ALK: variants seen among roughly 807,000 people sequenced by gnomAD.
ALK encodes ALK tyrosine kinase receptor.
In ALK, 74 loss-of-function variants were observed where a neutral mutation model predicts 163.1. The observed-to-expected ratio is 0.45, with a 90% confidence interval of 0.38 to 0.55. ALK has a LOEUF of 0.55. Ranked by LOEUF, ALK falls within the 20% of genes least tolerant of loss-of-function variation. The pLI, the probability that ALK is intolerant of heterozygous loss-of-function variation, is 0.00. For synonymous variants in ALK, 960 were observed against 843.2 expected (o/e 1.14, Z -2.40); for missense variants, 2,063 against 2,105.3 (o/e 0.98, Z 0.39).
intron 4 of ALK, among the ~76,000 whole-genome samples, chr2:29,509,125 GA>G (rs1302155912): frequency 6.6e-6 from 1 of 152,126 alleles, no homozygotes; most frequent in African/African-American, 2.4e-5. Flanking sequence ...TTCTGTCATG[GA>G]AACTTCTAGA....
At chr2:29,641,530 A>T (rs1676702709) in intron 3 of ALK, among the ~76,000 whole-genome samples, 1 of 152,128 alleles carries the variant, frequency 6.6e-6, no homozygotes. Context: ...TCATGCTTTT[A>T]TTGTTCAATT....
At chr2:29,452,537 G>A (rs1670849413) in intron 4 of ALK, among the ~76,000 whole-genome samples, 1 of 152,010 alleles carries the variant, frequency 6.6e-6, no homozygotes, top group Non-Finnish European at 1.5e-5. Context: ...TAAGCTTCTT[G>A]AGTAAGGAAG....
At chr2:29,759,052 G>A (rs536067245) in intron 1 of ALK, among the ~76,000 whole-genome samples, 8 of 152,122 alleles carry the variant, frequency 5.3e-5, no homozygotes, top group Admixed American at 2.6e-4. Context: ...TTTATTAAAC[G>A]CAGTTCTTCC....
chr2:29,835,758 C>T (rs770018312), intron 1 of ALK, among the ~76,000 whole-genome samples: 50 of 152,192 alleles, frequency 3.3e-4, no homozygotes, highest in Admixed American at 7.2e-4. Context: ...CTCACAAGAT[C>T]TGATGGTTTT....
chr2:29,391,877 G>A (rs1328891252), intron 4 of ALK, among the ~76,000 whole-genome samples: 4 of 152,146 alleles, frequency 2.6e-5, no homozygotes, highest in African/African-American at 9.7e-5. Flanking sequence ...GTGACCTTAG[G>A]CCAGCTACCT....
Position 29,920,961 on chromosome 2 carries a change from T to G in ALK, c.-302A>C. On this transcript the variant is annotated 5_prime_UTR_variant, in exon 1 of 29. Coordinates refer to ENST00000389048, the MANE Select transcript of ALK (RefSeq NM_004304.5). ...GCGCCGAGTGCCGCGCCCCCGTCTG[T>G]AGCTCGCTGCGCTCGGTACAGAGGA... 6.2e-6 allele frequency: 3 copies of G among 480,014 alleles called. No homozygotes were observed. Among genetic ancestry groups the G allele is most frequent in the Non-Finnish European group, 7.5e-6 (2 of 266,368 alleles). 29.7% of individuals were successfully genotyped at this position (480,014 alleles called of 1,614,324 possible). A position where few individuals can be genotyped will look rare whatever the true frequency, so the allele number is the denominator to read the frequency against.
intron 4 of ALK, among the ~76,000 whole-genome samples, chr2:29,470,863 A>T (rs1245969424): frequency 1.3e-5 from 2 of 152,202 alleles, no homozygotes; most frequent in Non-Finnish European, 2.9e-5. Context: ...ATATAATAAT[A>T]GTGTCTTCAG....
chr2:29,836,980 C>T (rs11127237), intron 1 of ALK, among the ~76,000 whole-genome samples: 70,923 of 152,042 alleles, frequency 0.47, 17,045 homozygotes, highest in East Asian at 0.71. Flanking sequence ...TAAATAACTG[C>T]TTTCAAACAC....
intron 9 of ALK, among the ~76,000 whole-genome samples, chr2:29,294,326 A>G (rs139887805): frequency 1.3e-5 from 2 of 152,354 alleles, no homozygotes; most frequent in East Asian, 3.9e-4. Context: ...TCAACAGAGC[A>G]TTGTGAAAAC....
Position 29,227,507 on chromosome 2 carries a change from T to G in ALK, c.2914+67A>C. ...TATCCTGGATACAGGTCAGAGACTCTGAGGTTTTAGCTTGGTGGGAGGACT... is the reference window on the plus strand; with the variant it reads ...TATCCTGGATACAGGTCAGAGACTCGGAGGTTTTAGCTTGGTGGGAGGACT... On this transcript the variant is annotated intron_variant, in intron 17 of 28. Coordinates refer to ENST00000389048, the MANE Select transcript of ALK (RefSeq NM_004304.5). The surrounding 1 kb of genome is among the most constrained non-coding windows in gnomAD (Gnocchi z 4.4). The G allele has an allele frequency of 1.6e-5, 21 of 1,338,948 alleles. No homozygotes were observed. Among genetic ancestry groups the G allele is most frequent in the Non-Finnish European group, 1.9e-5 (18 of 928,886 alleles). 82.9% of individuals were successfully genotyped at this position (1,338,948 alleles called of 1,614,324 possible).
chr2:29,526,215 G>C (rs890299444), intron 4 of ALK, among the ~76,000 whole-genome samples: 2 of 152,122 alleles, frequency 1.3e-5, no homozygotes, highest in Non-Finnish European at 2.9e-5. Context: ...TTAAACCCAC[G>C]ACAACCCCGT....
chr2:29,707,760 G>T (rs766773947), intron 2 of ALK, among the ~76,000 whole-genome samples: 7 of 152,190 alleles, frequency 4.6e-5, no homozygotes, highest in African/African-American at 1.7e-4. Context: ...AAGAGGCTTA[G>T]AGCAAATGGA....
chr2:29,196,901 A>G lies in ALK; in HGVS notation c.4074-41T>C, dbSNP rs763031240. Reference sequence around the variant, plus strand: ...CATTAATTAAAATAAGGAGAAGCACAATGATGAAAAATATATTTTCTTCCA... The same window carrying G: ...CATTAATTAAAATAAGGAGAAGCACGATGATGAAAAATATATTTTCTTCCA... On this transcript the variant is annotated intron_variant, in intron 27 of 28. Transcript: ENST00000389048. 4.0e-6 allele frequency: 6 copies of G among 1,496,190 alleles called. No homozygotes were observed. The Middle Eastern group carries it at 5.1e-4, about 128-fold the overall frequency. The allele number at this position is 1,496,190 out of a possible 1,614,324, so 92.7% of individuals were successfully genotyped here.
intron 12 of ALK, among the ~76,000 whole-genome samples, chr2:29,247,915 A>G (rs1664726229): frequency 6.6e-6 from 1 of 152,060 alleles, no homozygotes; most frequent in African/African-American, 2.4e-5. Flanking sequence ...TCAACAGATG[A>G]ACTGCACTTA....
chr2:29,516,872 G>A (rs1672681391), intron 4 of ALK, among the ~76,000 whole-genome samples: 1 of 152,244 alleles, frequency 6.6e-6, no homozygotes, highest in Non-Finnish European at 1.5e-5. Flanking sequence ...TGTTAGCAGT[G>A]AGTATGTCTT....
At chr2:29,650,586 T>G (rs1677010499) in intron 3 of ALK, among the ~76,000 whole-genome samples, 1 of 152,124 alleles carries the variant, frequency 6.6e-6, no homozygotes, top group African/African-American at 2.4e-5. Flanking sequence ...TAACCTAATC[T>G]TATTTGGCAT....
intron 25 of ALK, among the ~76,000 whole-genome samples, chr2:29,208,502 G>A (rs548015037): frequency 6.6e-6 from 1 of 152,322 alleles, no homozygotes; most frequent in East Asian, 1.9e-4. Flanking sequence ...CGCTGAGCTT[G>A]TGGGTAGTGT....
chr2:29,831,020 G>A (rs1406727172), intron 1 of ALK, among the ~76,000 whole-genome samples: 23 of 36,878 alleles, frequency 6.2e-4, no homozygotes, highest in African/African-American at 1.9e-3. Context: ...AAGGGGAAGA[G>A]GAAGGGGAAG....
rs1253856508 is a variant in ALK at position 29,258,275 on chromosome 2, C to T, written c.2042-7008G>A. ...CCAACTAGATCCTTTTGCAAGACTACAGGTCATGTTCTTTCATCAGGAGAT... is the reference window on the plus strand; with the variant it reads ...CCAACTAGATCCTTTTGCAAGACTATAGGTCATGTTCTTTCATCAGGAGAT... On this transcript the variant is annotated intron_variant, in intron 11 of 28. Transcript: ENST00000389048. Among the ~76,000 whole-genome samples, 5 of 152,218 alleles carry T rather than the reference C, an allele frequency of 3.3e-5. No homozygotes were observed. In the East Asian group the frequency reaches 7.7e-4, roughly 23 times the overall value.
Sources: gnomAD v4.1 joint callset for allele counts (sites outside exome capture counted in the v4.1 genomes callset) on GRCh38, gnomAD v4.1.1 for gene constraint, Gnocchi (gnomAD v3.1) non-coding constraint, MANE v1.5 for transcripts, NCBI Gene and HGNC (gene_info 2026-07-23, HGNC 2026-07-21) for gene names.